Variants in EXOSC9 observed in about 807,000 individuals in gnomAD.
EXOSC9 encodes exosome complex component RRP45.
In EXOSC9, 38 loss-of-function variants were observed where a neutral mutation model predicts 56.5. The ratio of observed to expected loss-of-function variants is 0.67; its 90% CI spans 0.52 to 0.88. The LOEUF (loss-of-function observed/expected upper bound fraction) is 0.88. Among genes scored for constraint, EXOSC9 ranks in the 40% least tolerant of loss-of-function variants. EXOSC9 has a pLI of 0.00. For missense variants in EXOSC9, 559 were observed against 530.5 expected (o/e 1.05, Z -0.53); for synonymous variants, 170 against 170.8 (o/e 0.99, Z 0.04).
At chr4:121,802,417 C>T (rs1726894435) in intron 2 of EXOSC9, among the ~76,000 whole-genome samples, 2 of 152,164 alleles carry the variant, frequency 1.3e-5, no homozygotes, top group East Asian at 3.8e-4. Flanking sequence ...GTAAAGGTCA[C>T]TGATTTTTAA....
chr4:121,804,037 C>A (rs960071202), intron 4 of EXOSC9, among the ~76,000 whole-genome samples: 2 of 152,044 alleles, frequency 1.3e-5, no homozygotes, highest in Non-Finnish European at 2.9e-5. Context: ...GGGTGACACT[C>A]TCGTCCAGGC....
At chr4:121,806,284 C>T (rs1727020633) in intron 5 of EXOSC9, among the ~76,000 whole-genome samples, 1 of 152,028 alleles carries the variant, frequency 6.6e-6, no homozygotes, top group Non-Finnish European at 1.5e-5. Context: ...TCCCAAGTAG[C>T]TGGGATTGCA....
chr4:121,812,737 C>G (rs933192332), intron 8 of EXOSC9, among the ~76,000 whole-genome samples: 1 of 152,156 alleles, frequency 6.6e-6, no homozygotes, highest in African/African-American at 2.4e-5. Flanking sequence ...GTGATCCACC[C>G]GCCTGGGCCT....
chr4:121,807,517 T>C (rs575305898), intron 5 of EXOSC9, 23 bp from the exon 6 acceptor site: 2 of 1,442,386 alleles, frequency 1.4e-6, no homozygotes, highest in African/African-American at 1.4e-5. Context: ...ACTATAATTA[T>C]TAAACATTTT....
rs1015347495 is a variant in EXOSC9 at position 121,815,787 on chromosome 4, C to G, written c.1157-582C>G. The G allele has an allele frequency of 2.5e-5, 25 of 1,007,722 alleles. 1 individual carries two copies. The African/African-American group carries it at 3.3e-4, about 13-fold the overall frequency. 62.4% of individuals were successfully genotyped at this position (1,007,722 alleles called of 1,614,324 possible). A position where few individuals can be genotyped will look rare whatever the true frequency, so the allele number is the denominator to read the frequency against. On this transcript the variant is annotated intron_variant, in intron 10 of 11. Coordinates refer to ENST00000243498, the MANE Select transcript of EXOSC9 (RefSeq NM_005033.3). ...GAGGAATAGAGTAGCACAAACAATT[C>G]AGTTGTCTCTACAAAAGATGCTATA...
intron 8 of EXOSC9, among the ~76,000 whole-genome samples, chr4:121,812,899 C>T (rs1031869604): frequency 6.6e-6 from 1 of 152,086 alleles, no homozygotes; most frequent in Non-Finnish European, 1.5e-5. Context: ...TCTTACTGTG[C>T]TATCTTAAGC....
chr4:121,801,857 A>G lies in EXOSC9; in HGVS notation c.97A>G (p.Arg33Gly), dbSNP rs762752082. ...RLDGRQTYDYRNIRISFGTDY... is the reference protein window; with the variant it reads ...RLDGRQTYDYGNIRISFGTDY... ...GGATGGCAGACAAACCTATGATTATAGGAACATCAGGATCTCATTTGGAAC... is the reference window on the plus strand; with the variant it reads ...GGATGGCAGACAAACCTATGATTATGGGAACATCAGGATCTCATTTGGAAC... Residue 33 changes from arginine to glycine, a missense_variant, in exon 2 of 12, where the codon AGG (arginine) becomes GGG (glycine). Arg to Gly is a moderately radical substitution (Grantham distance 125). Transcript: ENST00000243498. 1.9e-6 allele frequency: 3 copies of G among 1,613,854 alleles called. No homozygotes were observed. Among genetic ancestry groups the G allele is most frequent in the Non-Finnish European group, 8.5e-7 (1 of 1,179,830 alleles).
chr4:121,813,385 C>T lies in EXOSC9; in HGVS notation c.974+5C>T, dbSNP rs2149038905. 2 of 1,610,006 alleles carry T rather than the reference C, an allele frequency of 1.2e-6. No individual in the cohort carries two copies. The highest frequency in any genetic ancestry group is 1.3e-5 in the African/African-American group (1 of 74,648). The stretch of plus-strand genomic sequence containing the variant: ...AGCAGAACCTCCTTCAGAAGTGTAT[C>T]TTTATTTGGTGGTTTTTGCAGTAAC... On this transcript the variant is annotated splice_donor_5th_base_variant and intron_variant, in intron 9 of 11. Coordinates refer to ENST00000243498, the MANE Select transcript of EXOSC9 (RefSeq NM_005033.3).
At position 121,813,287 on chromosome 4, in the gene EXOSC9, C is replaced by G. The variant is rs140662020; in HGVS notation, c.881C>G (p.Thr294Arg). 6 of 1,613,764 alleles carry G rather than the reference C, an allele frequency of 3.7e-6. No individual in the cohort carries two copies. The African/African-American group carries it at 8.0e-5, about 22-fold the overall frequency. Residue 294 changes from threonine to arginine, a missense_variant, in exon 9 of 12, where the codon ACA becomes AGA. By Grantham distance (71) the Thr-to-Arg change is moderately conservative (BLOSUM62 -1). Transcript: ENST00000243498. ...FAESIANQRI[T>R]AFKMEKAPID... is the part of the protein sequence containing the mutation. ...GAGTCTATAGCAAATCAAAGGATCA[C>G]AGCATTTAAAATGGAAAAGGCCCCT... is the stretch of plus-strand genomic sequence containing the variant.
At position 121,813,366 on chromosome 4, in the gene EXOSC9, A is replaced by ACCT; in HGVS notation, c.964_966dup (p.Pro322dup). 6.2e-7 allele frequency: 1 copy of ACCT among 1,613,086 alleles called. No homozygotes were observed. The highest frequency in any genetic ancestry group is 8.5e-7 in the Non-Finnish European group (1 of 1,179,650). ...CAGAAGAAATCATTGCTGAAGCAGA[A>ACCT]CCTCCTTCAGAAGTGTATCTTTATT... On this transcript the variant is annotated inframe_insertion, in exon 9 of 12. Coordinates refer to ENST00000243498, the MANE Select transcript of EXOSC9 (RefSeq NM_005033.3).
At chr4:121,805,941 G>A (rs965944547) in intron 5 of EXOSC9, among the ~76,000 whole-genome samples, 1 of 151,728 alleles carries the variant, frequency 6.6e-6, no homozygotes, top group East Asian at 1.9e-4. Flanking sequence ...GAGTAGTGGG[G>A]ACTACAGGTA....
intron 7 of EXOSC9, 81 bp downstream of exon 7, chr4:121,810,180 A>G (rs369559643): frequency 7.5e-6 from 9 of 1,202,128 alleles, no homozygotes; most frequent in Admixed American, 5.5e-5. Context: ...CAAAAATCCA[A>G]TGGGGATACT....
chr4:121,814,214 G>A (rs1724388355), intron 10 of EXOSC9, 167 bp downstream of exon 10: 5 of 460,898 alleles, frequency 1.1e-5, no homozygotes, highest in Non-Finnish European at 1.9e-5. Context: ...ATAACATACA[G>A]GATACTATAT....
In EXOSC9 at chr4:121,804,437, C is replaced by T. The variant is rs41505154; in HGVS notation, c.385-185C>T. On this transcript the variant is annotated intron_variant, in intron 4 of 11. Coordinates refer to ENST00000243498, the MANE Select transcript of EXOSC9 (RefSeq NM_005033.3). The stretch of plus-strand genomic sequence containing the variant: ...AGTATGTGTTCTGTTGTTAAACGAC[C>T]CACATAGTATTTCAGATGTTTGGCT... The T allele has an allele frequency of 6.8e-3, 3,102 of 457,660 alleles. 105 individuals are homozygous for T. Among genetic ancestry groups the T allele is most frequent in the African/African-American group, 0.056 (2,831 of 50,960 alleles). The allele number at this position is 457,660 out of a possible 1,614,324, so 28.3% of individuals were successfully genotyped here. A position where few individuals can be genotyped will look rare whatever the true frequency, so the allele number is the denominator to read the frequency against.
intron 5 of EXOSC9, among the ~76,000 whole-genome samples, chr4:121,806,565 A>G (rs566606363): frequency 1.1e-4 from 16 of 152,338 alleles, no homozygotes; most frequent in South Asian, 2.1e-4. Context: ...AGAGACTTCA[A>G]TGCAAGTGTT....
At chr4:121,815,264 C>T (rs926734736) in intron 10 of EXOSC9, 29 of 593,558 alleles carry the variant, frequency 4.9e-5, no homozygotes, top group Admixed American at 3.2e-4. Context: ...TTTAACAATT[C>T]TCTTATTGTT....
intron 7 of EXOSC9, among the ~76,000 whole-genome samples, chr4:121,810,610 A>C (rs1314761775): frequency 6.6e-6 from 1 of 152,162 alleles, no homozygotes; most frequent in East Asian, 1.9e-4. Flanking sequence ...TGAATCCGGG[A>C]GGCAGAGGTT....
chr4:121,809,990 A>G lies in EXOSC9; in HGVS notation c.629A>G (p.Asn210Ser), dbSNP rs761096444. 23 of 1,614,018 alleles carry G rather than the reference A, an allele frequency of 1.4e-5. No individual in the cohort carries two copies. Among genetic ancestry groups the G allele is most frequent in the East Asian group, 8.9e-5 (4 of 44,882 alleles). The change falls in exon 7 of 12, where the codon AAT (asparagine) becomes AGT (serine). Residue 210 changes from asparagine (N) to serine (S), a missense_variant. Coordinates refer to ENST00000243498, the MANE Select transcript of EXOSC9 (RefSeq NM_005033.3). ...AGAACATATTTATTGGTGGATCCCA[A>G]TGAACGAGAAGAACGTGTGATGGAT... Reference protein sequence around the residue: ...QQGTYLLVDPNEREERVMDGL... With the variant: ...QQGTYLLVDPSEREERVMDGL...
At chr4:121,815,651 T>C in intron 10 of EXOSC9, 1 of 985,440 alleles carries the variant, frequency 1.0e-6, no homozygotes, top group Non-Finnish European at 1.2e-6. Context: ...AAAAATGACA[T>C]GGCATTTTTT....
Sources: allele counts gnomAD v4.1 joint callset (sites outside exome capture counted in the v4.1 genomes callset), GRCh38; gene constraint gnomAD v4.1.1; transcripts MANE v1.5; gene names NCBI Gene and HGNC (gene_info 2026-07-23, HGNC 2026-07-21).